RGS21: variants seen among roughly 807,000 people sequenced by gnomAD.
RGS21 encodes regulator of G-protein signalling 21.
RGS21 carries 19 observed loss-of-function variants against 18.7 expected under a neutral mutation model. The ratio of observed to expected loss-of-function variants is 1.01; its 90% CI spans 0.71 to 1.49. The LOEUF (loss-of-function observed/expected upper bound fraction) is 1.49. Ranked by LOEUF, RGS21 falls within the 40% of genes most tolerant of loss-of-function variation. The pLI is 0.00. For missense variants in RGS21, 194 were observed against 176.8 expected, an observed-to-expected ratio of 1.10 and a Z score of -0.55; for synonymous variants, 56 against 57.8, an observed-to-expected ratio of 0.97 and a Z score of 0.14.
At chr1:192,329,787 C>T (rs1658619783) in intron 1 of RGS21, among the ~76,000 whole-genome samples, 1 of 151,936 alleles carries the variant, frequency 6.6e-6, no homozygotes, top group South Asian at 2.1e-4. Context: ...GAATCATGCT[C>T]CAAACCCCAA....
intron 1 of RGS21, among the ~76,000 whole-genome samples, chr1:192,319,311 A>G (rs1341207555): frequency 3.3e-5 from 5 of 152,080 alleles, no homozygotes; most frequent in African/African-American, 1.2e-4. Context: ...ACTTTTTTTT[A>G]TATCAGTTGT....
At chr1:192,350,516 C>T (rs778269015) in intron 3 of RGS21, among the ~76,000 whole-genome samples, 7 of 152,134 alleles carry the variant, frequency 4.6e-5, no homozygotes, top group Non-Finnish European at 7.4e-5. Context: ...TAACTCTCTC[C>T]GCCTGCAGGA....
At chr1:192,351,976 A>T in intron 3 of RGS21, 71 bp from the exon 4 acceptor site, 1 of 788,374 alleles carries the variant, frequency 1.3e-6, no homozygotes, top group Non-Finnish European at 2.0e-6. Flanking sequence ...CATATTATAC[A>T]ATGTACTCAT....
chr1:192,345,858 T>C (rs1418216008), intron 2 of RGS21, among the ~76,000 whole-genome samples: 1 of 152,092 alleles, frequency 6.6e-6, no homozygotes, highest in Non-Finnish European at 1.5e-5. Context: ...ATTTGAGTTA[T>C]ATGAAATATA....
intron 1 of RGS21, among the ~76,000 whole-genome samples, chr1:192,318,454 C>G (rs1348747899): frequency 2.0e-5 from 3 of 152,098 alleles, no homozygotes; most frequent in Admixed American, 1.3e-4. Context: ...CCTCCCAGAA[C>G]AGCAAAATCT....
chr1:192,359,655 G>GTATA (rs10638712), intron 4 of RGS21, among the ~76,000 whole-genome samples: 1,667 of 124,210 alleles, frequency 0.013, 30 homozygotes, highest in African/African-American at 0.034. Flanking sequence ...GTGTGTGTGT[G>GTATA]TATATATATA....
chr1:192,326,766 CT>C (rs1358775481), intron 1 of RGS21, among the ~76,000 whole-genome samples: 2 of 152,272 alleles, frequency 1.3e-5, no homozygotes, highest in East Asian at 3.9e-4. Context: ...TCTTCCCAAA[CT>C]TTGGAAGTAG....
chr1:192,363,934 G>GT (rs1233096763), intron 4 of RGS21, among the ~76,000 whole-genome samples: 3 of 151,928 alleles, frequency 2.0e-5, no homozygotes, highest in Non-Finnish European at 4.4e-5. Context: ...TTAGTTGTTG[G>GT]TTTTGTTTCC....
chr1:192,357,678 A>G (rs1302068313), intron 4 of RGS21, among the ~76,000 whole-genome samples: 2 of 151,874 alleles, frequency 1.3e-5, no homozygotes, highest in Non-Finnish European at 2.9e-5. Flanking sequence ...ATCTACCACT[A>G]ATTTGAAGTG....
chr1:192,355,415 T>G (rs1659097040), intron 4 of RGS21, among the ~76,000 whole-genome samples: 1 of 151,600 alleles, frequency 6.6e-6, no homozygotes. Flanking sequence ...ATGTTAAGAC[T>G]TGAGAGAAGT....
intron 1 of RGS21, among the ~76,000 whole-genome samples, chr1:192,321,080 T>A (rs2102220480): frequency 6.6e-6 from 1 of 152,086 alleles, no homozygotes; most frequent in East Asian, 1.9e-4. Context: ...AATATCCTAA[T>A]ATTTAAATTC....
At chr1:192,358,660 G>C (rs1243522312) in intron 4 of RGS21, among the ~76,000 whole-genome samples, 1 of 151,968 alleles carries the variant, frequency 6.6e-6, no homozygotes, top group Non-Finnish European at 1.5e-5. Flanking sequence ...ATGAGGAAAG[G>C]CTATCTAATT....
intron 1 of RGS21, among the ~76,000 whole-genome samples, chr1:192,334,259 C>A (rs1658732272): frequency 1.3e-5 from 2 of 151,960 alleles, no homozygotes; most frequent in Non-Finnish European, 2.9e-5. Flanking sequence ...TGTCATGTAA[C>A]CATGAGTAAA....
chr1:192,333,602 G>A (rs1228076326), intron 1 of RGS21, among the ~76,000 whole-genome samples: 3 of 122,630 alleles, frequency 2.4e-5, no homozygotes, highest in Admixed American at 1.1e-4. Context: ...AGGTATGATC[G>A]TATTTTTATA....
intron 2 of RGS21, among the ~76,000 whole-genome samples, chr1:192,344,848 T>C (rs559432521): frequency 6.6e-6 from 1 of 152,206 alleles, no homozygotes; most frequent in East Asian, 1.9e-4. Flanking sequence ...TCAGAGCCGA[T>C]GGGCAATTTT....
In RGS21 at chr1:192,356,636, G is replaced by A. The variant is rs112924336; in HGVS notation, c.255+4423G>A. On this transcript the variant is annotated intron_variant, in intron 4 of 4. Transcript: ENST00000417209. ...AGGATAGTTTTAAACTGAGTCTTGG[G>A]GGAAGAAACAGATATATGAGTTGTT... Among the ~76,000 whole-genome samples, 9 of 151,784 alleles carry A rather than the reference G, an allele frequency of 5.9e-5. 1 individual carries two copies. Among genetic ancestry groups the A allele is most frequent in the African/African-American group, 2.2e-4 (9 of 41,498 alleles).
intron 1 of RGS21, 57 bp from the exon 2 acceptor site, chr1:192,342,920 C>A: frequency 3.1e-6 from 3 of 968,196 alleles, no homozygotes; most frequent in Non-Finnish European, 4.9e-6. Context: ...ATTTGTAACC[C>A]AGGGGATAGG....
intron 2 of RGS21, among the ~76,000 whole-genome samples, chr1:192,345,089 G>A (rs1329873160): frequency 6.6e-6 from 1 of 151,576 alleles, no homozygotes; most frequent in Non-Finnish European, 1.5e-5. Context: ...CATTAATGAA[G>A]ATGATACAAA....
chr1:192,347,470 A>G, intron 3 of RGS21, 81 bp downstream of exon 3: 1 of 709,376 alleles, frequency 1.4e-6, no homozygotes, highest in East Asian at 2.8e-5. Flanking sequence ...AACATATCAT[A>G]AAGTATGAGT....
Sources: allele counts gnomAD v4.1 joint callset (sites outside exome capture counted in the v4.1 genomes callset), GRCh38; gene constraint gnomAD v4.1.1; transcripts MANE v1.5; gene names NCBI Gene and HGNC (gene_info 2026-07-23, HGNC 2026-07-21).